TMEM178B: variants seen among roughly 807,000 people sequenced by gnomAD.
TMEM178B encodes transmembrane protein 178B.
Under a neutral mutation model 31.0 loss-of-function variants are expected in TMEM178B, and 5 were observed. The observed-to-expected ratio is 0.16, with a 90% CI of 0.08 to 0.34. The LOEUF (loss-of-function observed/expected upper bound fraction) is 0.34, where lower values mean the gene tolerates loss of function less well. Among genes scored for constraint, TMEM178B ranks in the 10% least tolerant of loss-of-function variants. The pLI is 1.00. For missense variants in TMEM178B, 275 were observed against 400.3 expected, an observed-to-expected ratio of 0.69 and a Z score of 2.67; for synonymous variants, 164 against 164.0, an observed-to-expected ratio of 1.00 and a Z score of 0.00.
rs999285362 is a variant in TMEM178B, at chr7:141,074,702, G to C, written c.382+10G>C. 1.4e-6 allele frequency: 2 copies of C among 1,475,372 alleles called. No homozygotes were observed. Among genetic ancestry groups the C allele is most frequent in the Non-Finnish European group, 1.8e-6 (2 of 1,116,594 alleles). 91.4% of individuals were successfully genotyped at this position (1,475,372 alleles called of 1,614,324 possible). ...GCCCTCATTCGGAAAGGTAAGCGCC[G>C]GGCGCAAGGCGTGGCGCTGCGGAGA... On this transcript the variant is annotated intron_variant, in intron 1 of 3. Transcript: ENST00000565468. The surrounding 1 kb of genome is among the most constrained non-coding windows in gnomAD (Gnocchi z 5.1).
chr7:141,308,108 G>A (rs1053095558), intron 2 of TMEM178B, among the ~76,000 whole-genome samples: 1 of 152,198 alleles, frequency 6.6e-6, no homozygotes, highest in Non-Finnish European at 1.5e-5. Flanking sequence ...AGAAGCCGGG[G>A]AAGGAGGGAT....
intron 2 of TMEM178B, among the ~76,000 whole-genome samples, chr7:141,371,657 GA>G (rs1800118925): frequency 6.6e-6 from 1 of 152,194 alleles, no homozygotes; most frequent in Non-Finnish European, 1.5e-5. Context: ...TGTGAGAACA[GA>G]ATGCATGACA....
intron 2 of TMEM178B, among the ~76,000 whole-genome samples, chr7:141,381,823 T>C (rs1800321677): frequency 6.6e-6 from 1 of 152,210 alleles, no homozygotes; most frequent in Non-Finnish European, 1.5e-5. Flanking sequence ...TGAATGTATT[T>C]ACACTCATCT....
In TMEM178B at chr7:141,163,313, A is replaced by T. The variant is rs59683568; in HGVS notation, c.383-49278A>T. On this transcript the variant is annotated intron_variant, in intron 1 of 3. Transcript: ENST00000565468. Reference sequence around the variant, plus strand: ...GGCCTTCTGGAAGCCTAGGCTTGGAACTGGCATACTGTCACTCTCACCATA... The same window carrying T: ...GGCCTTCTGGAAGCCTAGGCTTGGATCTGGCATACTGTCACTCTCACCATA... Among the ~76,000 whole-genome samples the T allele has an allele frequency of 0.014, 2,063 of 152,318 alleles. 124 individuals carry two copies. In the East Asian group the frequency reaches 0.19, roughly 14 times the overall value.
chr7:141,150,500 TG>T (rs1795954237), intron 1 of TMEM178B, among the ~76,000 whole-genome samples: 1 of 152,224 alleles, frequency 6.6e-6, no homozygotes, highest in African/African-American at 2.4e-5. Context: ...GTACTGGTCT[TG>T]GGACTTCCCT....
At chr7:141,347,892 A>G (rs570882406) in intron 2 of TMEM178B, among the ~76,000 whole-genome samples, 1 of 152,238 alleles carries the variant, frequency 6.6e-6, no homozygotes, top group Non-Finnish European at 1.5e-5. Flanking sequence ...AACTGGGACA[A>G]TCTTGCCTTA....
intron 1 of TMEM178B, among the ~76,000 whole-genome samples, chr7:141,168,023 C>T (rs1267682775): frequency 6.6e-6 from 1 of 152,192 alleles, no homozygotes; most frequent in African/African-American, 2.4e-5. Context: ...CTATAGATAG[C>T]ACTTTCAAGT....
chr7:141,450,849 T>C (rs577514553), intron 3 of TMEM178B, among the ~76,000 whole-genome samples: 67 of 152,296 alleles, frequency 4.4e-4, no homozygotes, highest in African/African-American at 1.6e-3. Flanking sequence ...CAGAGAGCCA[T>C]GAAACAAGCT....
intron 2 of TMEM178B, among the ~76,000 whole-genome samples, chr7:141,281,021 G>A (rs1192969932): frequency 1.3e-5 from 2 of 152,134 alleles, no homozygotes; most frequent in South Asian, 2.1e-4. Context: ...TTTTGATGAC[G>A]GAGCCCCCTT....
chr7:141,113,020 C>CAAAT (rs1158130028), intron 1 of TMEM178B, among the ~76,000 whole-genome samples: 1 of 152,122 alleles, frequency 6.6e-6, no homozygotes, highest in East Asian at 1.9e-4. Context: ...ATCAGGCTTC[C>CAAAT]AAATATTAAG....
intron 2 of TMEM178B, among the ~76,000 whole-genome samples, chr7:141,292,633 T>TG (rs1366662176): frequency 6.2e-5 from 8 of 129,872 alleles, no homozygotes; most frequent in Non-Finnish European, 1.3e-4. Flanking sequence ...TGCTTTTAGA[T>TG]CTTTTTTTTT....
intron 3 of TMEM178B, among the ~76,000 whole-genome samples, chr7:141,468,897 T>G (rs1275165436): frequency 6.6e-6 from 1 of 152,168 alleles, no homozygotes; most frequent in Non-Finnish European, 1.5e-5. Context: ...GCTCAAAGAT[T>G]GGTTGAACCG....
intron 2 of TMEM178B, among the ~76,000 whole-genome samples, chr7:141,316,174 T>C (rs1020366923): frequency 2.6e-5 from 4 of 152,174 alleles, no homozygotes; most frequent in Non-Finnish European, 2.9e-5. Flanking sequence ...CCCTGTTGAC[T>C]TTTGCATTGA....
At chr7:141,221,160 G>T (rs148390567) in intron 2 of TMEM178B, among the ~76,000 whole-genome samples, 1 of 152,194 alleles carries the variant, frequency 6.6e-6, no homozygotes. Context: ...ATTTTACAGC[G>T]AGGGAAAAGT....
At chr7:141,078,793 A>G (rs1424209748) in intron 1 of TMEM178B, among the ~76,000 whole-genome samples, 1 of 152,132 alleles carries the variant, frequency 6.6e-6, no homozygotes, top group African/African-American at 2.4e-5. Flanking sequence ...GGGCCAGCAT[A>G]TGCACAGCCA....
chr7:141,320,425 G>A (rs935542069), intron 2 of TMEM178B, among the ~76,000 whole-genome samples: 1 of 152,110 alleles, frequency 6.6e-6, no homozygotes, highest in South Asian at 2.1e-4. Flanking sequence ...GCCAACACCT[G>A]TGACTGAGGT....
chr7:141,091,472 C>T (rs190430922), intron 1 of TMEM178B, among the ~76,000 whole-genome samples: 7 of 152,240 alleles, frequency 4.6e-5, no homozygotes, highest in African/African-American at 1.2e-4. Flanking sequence ...CATTTGTGCT[C>T]CTCTGCCAGC....
intron 2 of TMEM178B, among the ~76,000 whole-genome samples, chr7:141,377,159 GTATT>G (rs199852618): frequency 0.011 from 1,583 of 145,246 alleles, 6 homozygotes; most frequent in South Asian, 0.041. Flanking sequence ...GGCTACTTCT[GTATT>G]TATTTATTTA....
intron 2 of TMEM178B, among the ~76,000 whole-genome samples, chr7:141,218,574 C>A (rs1197906217): frequency 6.6e-6 from 1 of 152,138 alleles, no homozygotes; most frequent in African/African-American, 2.4e-5. Flanking sequence ...GGTGGGAAGC[C>A]CAGCGTGTCC....
Sources: allele counts gnomAD v4.1 joint callset (sites outside exome capture counted in the v4.1 genomes callset), GRCh38; gene constraint gnomAD v4.1.1; non-coding constraint Gnocchi (gnomAD v3.1); transcripts MANE v1.5; gene names NCBI Gene and HGNC (gene_info 2026-07-23, HGNC 2026-07-21).